UPF2: variants seen among roughly 807,000 people sequenced by gnomAD.
UPF2 encodes UPF2 regulator of nonsense mediated mRNA decay.
UPF2 carries 17 observed loss-of-function variants against 141.4 expected under a neutral mutation model. The observed-to-expected ratio is 0.12, with a 90% CI of 0.08 to 0.18. The LOEUF is 0.18. Ranked by LOEUF, UPF2 falls within the 10% of genes least tolerant of loss-of-function variation. The pLI, the probability that UPF2 is intolerant of heterozygous loss-of-function variation, is 1.00. For synonymous variants in UPF2, 540 were observed against 498.0 expected (o/e 1.08, Z -1.12); for missense variants, 1,152 against 1,515.9 (o/e 0.76, Z 3.99).
chr10:11,951,976 G>A, intron 15 of UPF2, 90 bp downstream of exon 15: 2 of 1,320,842 alleles, frequency 1.5e-6, no homozygotes, highest in South Asian at 1.3e-5. Flanking sequence ...AAGATACAAT[G>A]TAAGCTCTGA....
At position 11,940,412 on chromosome 10, in the gene UPF2, T is replaced by C. The variant is rs1564338436; in HGVS notation, c.3378+2253A>G. Among the ~76,000 whole-genome samples, 1 of 152,206 alleles carries C rather than the reference T, an allele frequency of 6.6e-6. No homozygotes were observed. The highest frequency in any genetic ancestry group is 1.5e-5 in the Non-Finnish European group (1 of 68,036). On this transcript the variant is annotated intron_variant, in intron 18 of 21. Coordinates refer to ENST00000357604, the MANE Select transcript of UPF2 (RefSeq NM_015542.4). This position sits in a 1 kb window ranked among gnomAD's most constrained non-coding sequence, Gnocchi z 4.2. ...ACCGGGGATGAATCATTTGTTCCGA[T>C]GCTTTCAATATACTCTACCCATCAC...
intron 8 of UPF2, among the ~76,000 whole-genome samples, chr10:11,989,701 CTT>C (rs1833748392): frequency 6.6e-6 from 1 of 152,212 alleles, no homozygotes; most frequent in Admixed American, 6.5e-5. Context: ...TCTAAATGCT[CTT>C]GTTGTCCTAG....
At chr10:11,989,228 T>C (rs1300195850) in intron 8 of UPF2, among the ~76,000 whole-genome samples, 1 of 152,126 alleles carries the variant, frequency 6.6e-6, no homozygotes, top group African/African-American at 2.4e-5. Context: ...AATTTAAACC[T>C]GAAAAGACTA....
At chr10:11,924,448 T>A (rs1168528922) in intron 21 of UPF2, among the ~76,000 whole-genome samples, 1 of 152,086 alleles carries the variant, frequency 6.6e-6, no homozygotes, top group Non-Finnish European at 1.5e-5. Flanking sequence ...AGTGGTGGAC[T>A]GCATACCTGT....
intron 21 of UPF2, among the ~76,000 whole-genome samples, chr10:11,925,251 C>T (rs745785766): frequency 2.0e-5 from 3 of 152,182 alleles, no homozygotes; most frequent in African/African-American, 7.2e-5. Flanking sequence ...AAATTCCATT[C>T]GTGATACTTT....
intron 2 of UPF2, among the ~76,000 whole-genome samples, chr10:12,030,912 T>C (rs1295910): frequency 0.84 from 125,490 of 150,100 alleles, 52,584 homozygotes; most frequent in Non-Finnish European, 0.89. Context: ...CGGTGGCTCA[T>C]GCCTGTAATC....
chr10:11,956,259 C>G lies in UPF2; in HGVS notation c.2574+61G>C. Reference sequence around the variant, plus strand: ...CTATAACTTGAGTCTCAATAGTAACCTAGAAATAATAAATTCTCCACGAAT... The same window carrying G: ...CTATAACTTGAGTCTCAATAGTAACGTAGAAATAATAAATTCTCCACGAAT... On this transcript the variant is annotated intron_variant, in intron 13 of 21. Transcript: ENST00000357604. The surrounding 1 kb of genome is among the most constrained non-coding windows in gnomAD (Gnocchi z 4.2). 1.3e-6 allele frequency: 2 copies of G among 1,500,166 alleles called. No homozygotes were observed. The highest frequency in any genetic ancestry group is 1.9e-6 in the Non-Finnish European group (2 of 1,079,424). The allele number at this position is 1,500,166 out of a possible 1,614,324, so 92.9% of individuals were successfully genotyped here. A position where few individuals can be genotyped will look rare whatever the true frequency, so the allele number is the denominator to read the frequency against.
chr10:11,926,087 C>G (rs939333191), intron 21 of UPF2, among the ~76,000 whole-genome samples: 6 of 152,088 alleles, frequency 3.9e-5, no homozygotes, highest in Non-Finnish European at 8.8e-5. Flanking sequence ...GTGGCTTGAC[C>G]CATGGTCTTG....
At chr10:11,946,673 T>C (rs1833004294) in intron 16 of UPF2, among the ~76,000 whole-genome samples, 1 of 152,232 alleles carries the variant, frequency 6.6e-6, no homozygotes, top group African/African-American at 2.4e-5. Context: ...GTTTCTTCTA[T>C]ACCCCTAACC....
chr10:11,965,476 T>C (rs1833303658), intron 10 of UPF2, among the ~76,000 whole-genome samples: 1 of 152,180 alleles, frequency 6.6e-6, no homozygotes, highest in African/African-American at 2.4e-5. Context: ...TTATTTATTT[T>C]TGAGATGGAG....
At chr10:11,990,201 A>ACATAT (rs1833756470) in intron 8 of UPF2, among the ~76,000 whole-genome samples, 1 of 152,218 alleles carries the variant, frequency 6.6e-6, no homozygotes, top group Non-Finnish European at 1.5e-5. Flanking sequence ...TGCCATCAAC[A>ACATAT]TGCTTCTTTC....
chr10:11,961,820 G>A (rs931613076), intron 11 of UPF2, among the ~76,000 whole-genome samples: 3 of 152,104 alleles, frequency 2.0e-5, no homozygotes, highest in Admixed American at 6.6e-5. Context: ...CTATCTGTGC[G>A]AAATCATCAT....
chr10:12,000,100 T>A (rs1833928998), intron 6 of UPF2, 91 bp from the exon 7 acceptor site: 8 of 1,092,252 alleles, frequency 7.3e-6, no homozygotes, highest in Non-Finnish European at 1.1e-5. Context: ...AAATAGATAA[T>A]CTAGACCAAT....
intron 14 of UPF2, among the ~76,000 whole-genome samples, chr10:11,954,814 T>TA (rs76952881): frequency 0.014 from 1,944 of 134,444 alleles, 49 homozygotes; most frequent in African/African-American, 0.049. Flanking sequence ...CATTTCTATT[T>TA]AAAAAAAAAA....
chr10:12,024,477 G>A (rs1303209618), intron 3 of UPF2, among the ~76,000 whole-genome samples: 1 of 151,960 alleles, frequency 6.6e-6, no homozygotes, highest in African/African-American at 2.4e-5. Context: ...GGGTGTGGTG[G>A]CATGTGCCTA....
intron 8 of UPF2, among the ~76,000 whole-genome samples, chr10:11,984,814 G>A (rs1833660014): frequency 6.6e-6 from 1 of 152,064 alleles, no homozygotes; most frequent in African/African-American, 2.4e-5. Context: ...CCAGGTTCGA[G>A]TGATTCTCCT....
intron 21 of UPF2, among the ~76,000 whole-genome samples, chr10:11,925,209 T>C (rs1832697166): frequency 6.6e-6 from 1 of 152,244 alleles, no homozygotes; most frequent in Non-Finnish European, 1.5e-5. Flanking sequence ...ACCATGTTTA[T>C]CGCACCTATA....
chr10:12,036,072 AAAGTT>A (rs1834620488), intron 1 of UPF2, among the ~76,000 whole-genome samples: 1 of 152,246 alleles, frequency 6.6e-6, no homozygotes, highest in African/African-American at 2.4e-5. Flanking sequence ...TGTATTAGTT[AAAGTT>A]AATTTATAAA....
Position 12,035,127 on chromosome 10 carries a change from C to A in UPF2, c.297G>T (p.Glu99Asp), listed in dbSNP as rs1377988421. The change falls in exon 2 of 22, where the codon GAG (glutamate) becomes GAT (aspartate). Residue 99 changes from glutamate to aspartate, a missense_variant. Transcript: ENST00000357604. ...KEEEEKKKHQ[E>D]EERKKQEEQA... is the part of the protein sequence containing the mutation. The stretch of plus-strand genomic sequence containing the variant: ...GCTCTTCTTGCTTCTTTCTCTCTTC[C>A]TCTTGATGTTTCTTTTTTTCTTCCT... 6.3e-7 allele frequency: 1 copy of A among 1,598,550 alleles called. No individual in the cohort carries two copies.
Sources: allele counts gnomAD v4.1 joint callset (sites outside exome capture counted in the v4.1 genomes callset), GRCh38; gene constraint gnomAD v4.1.1; non-coding constraint Gnocchi (gnomAD v3.1); transcripts MANE v1.5; gene names NCBI Gene and HGNC (gene_info 2026-07-23, HGNC 2026-07-21).